ACCS: variants seen among roughly 807,000 people sequenced by gnomAD.
The protein encoded by ACCS is 1-aminocyclopropane-1-carboxylate synthase homolog (inactive), also known as 1-aminocyclopropane-1-carboxylate synthase-like protein 1.
Under a neutral mutation model 59.8 loss-of-function variants are expected in ACCS, and 42 were observed. The ratio of observed to expected loss-of-function variants is 0.70; its 90% CI spans 0.55 to 0.91. The LOEUF is 0.91. Among genes scored for constraint, ACCS ranks in the 40% least tolerant of loss-of-function variants. ACCS has a pLI of 0.00. For synonymous variants in ACCS, 230 were observed against 240.3 expected (o/e 0.96, Z 0.40); for missense variants, 602 against 630.4 (o/e 0.95, Z 0.48).
intron 2 of ACCS, among the ~76,000 whole-genome samples, chr11:44,069,165 T>A (rs983579429): frequency 6.6e-6 from 1 of 152,208 alleles, no homozygotes; most frequent in African/African-American, 2.4e-5. Context: ...AATTCACAAT[T>A]TTTGGAGTTC....
intron 9 of ACCS, 76 bp from the exon 10 acceptor site, chr11:44,079,455 G>GTATT (rs1953534420): frequency 8.7e-6 from 11 of 1,271,662 alleles, no homozygotes; most frequent in Middle Eastern, 2.6e-4. Context: ...GATTTCTGAT[G>GTATT]TATTACCTCC....
chr11:44,083,796 G>A lies in ACCS; in HGVS notation c.*4G>A. ...GCCAAGTGACCAACGCAGGTGAGCT[G>A]GTCATTGTCTCGTGGCCAGAGGGCC... On this transcript the variant is annotated 3_prime_UTR_variant, in exon 15 of 15. Coordinates refer to ENST00000263776, the MANE Select transcript of ACCS (RefSeq NM_032592.4). The A allele has an allele frequency of 6.2e-7, 1 of 1,603,190 alleles. No homozygotes were observed. The highest frequency in any genetic ancestry group is 8.5e-7 in the Non-Finnish European group (1 of 1,174,782).
At chr11:44,073,407 G>C (rs1191618304) in intron 3 of ACCS, 40 bp from the exon 4 acceptor site, 1 of 1,550,358 alleles carries the variant, frequency 6.5e-7, no homozygotes, top group African/African-American at 1.4e-5. Context: ...GCTGGTAGCA[G>C]TGCTGGCCCT....
chr11:44,067,962 G>T (rs1236668077), intron 2 of ACCS, 47 bp downstream of exon 2: 2 of 1,542,768 alleles, frequency 1.3e-6, no homozygotes, highest in Non-Finnish European at 1.7e-6. Context: ...GAACTGCAGG[G>T]TGGGGTACCC....
intron 3 of ACCS, 146 bp from the exon 4 acceptor site, chr11:44,073,301 A>G (rs1953149574): frequency 1.9e-5 from 14 of 729,462 alleles, no homozygotes; most frequent in Admixed American, 4.0e-5. Context: ...CCTCACCTGC[A>G]ACATGGGTAT....
chr11:44,080,694 A>C, intron 10 of ACCS: 2 of 408,288 alleles, frequency 4.9e-6, no homozygotes, highest in Admixed American at 3.9e-5. Context: ...TGTTTAGGGT[A>C]CCTGATTGGC....
At position 44,074,651 on chromosome 11, in the gene ACCS, C is replaced by T. The variant is rs1463761303; in HGVS notation, c.459C>T (p.Cys153=). ...EEVAKFLSFY[C]KSPVPLRPEN... is the part of the protein sequence containing the mutation. ...TGGCCAAGTTCCTGTCTTTCTACTG[C>T]AAGAGCCCAGTACCCCTCAGACCAG... is the stretch of plus-strand genomic sequence containing the variant. Residue 153 remains cysteine, a synonymous_variant, in exon 5 of 15, where the codon TGC becomes TGT. Transcript: ENST00000263776. The T allele has an allele frequency of 1.2e-6, 2 of 1,613,574 alleles. No individual in the cohort carries two copies. Among genetic ancestry groups the T allele is most frequent in the African/African-American group, 1.3e-5 (1 of 74,850 alleles).
chr11:44,068,119 C>A (rs150253358), intron 2 of ACCS, among the ~76,000 whole-genome samples: 46 of 152,140 alleles, frequency 3.0e-4, no homozygotes, highest in Non-Finnish European at 5.4e-4. Flanking sequence ...ATATAGGGGA[C>A]CTTGATTTCT....
rs370146853 is a variant in ACCS, at chr11:44,073,546, C to T, written c.419+29C>T. 6 of 1,581,706 alleles carry T rather than the reference C, an allele frequency of 3.8e-6. No individual in the cohort carries two copies. In the Admixed American group the frequency reaches 7.1e-5, roughly 19 times the overall value. On this transcript the variant is annotated intron_variant, in intron 4 of 14. Transcript: ENST00000263776. Reference sequence around the variant, plus strand: ...AGTAGTTGCCATAGGGTGAGTTTGTCCCCCTGGGGATGTGTGGCAATGTTG... The same window carrying T: ...AGTAGTTGCCATAGGGTGAGTTTGTTCCCCTGGGGATGTGTGGCAATGTTG...
At chr11:44,074,563 G>T in intron 4 of ACCS, 49 bp from the exon 5 acceptor site, 1 of 1,447,570 alleles carries the variant, frequency 6.9e-7, no homozygotes, top group Non-Finnish European at 9.7e-7. Context: ...AGGATGCACC[G>T]TGGGTTGGGG....
chr11:44,083,751 C>T lies in ACCS; in HGVS notation c.1465C>T (p.Arg489Cys), dbSNP rs114296178. ...CAAATCCCAAGTGGCAGAAGACCCC[C>T]GTCCCTCTCAGAGCCAGGAGCCAAG... ...AGKSQVAEDP[R>C]PSQSQEPSDQ... Residue 489 changes from arginine (R) to cysteine (C), a missense_variant, in exon 15 of 15, where the codon CGT becomes TGT. By Grantham distance (180) the Arg-to-Cys change is radical. Transcript: ENST00000263776. The T allele has an allele frequency of 9.2e-4, 1,483 of 1,613,928 alleles. 19 individuals are homozygous for T. In the African/African-American group the frequency reaches 0.017, roughly 19 times the overall value.
At chr11:44,077,145 A>G in intron 6 of ACCS, 134 bp from the exon 7 acceptor site, 1 of 958,514 alleles carries the variant, frequency 1.0e-6, no homozygotes, top group Non-Finnish European at 1.5e-6. Context: ...GTGTTTTGGG[A>G]GTTAAGAGTG....
rs1953751315 is a variant in ACCS at position 44,083,812 on chromosome 11, C to T, written c.*20C>T. 10 of 1,575,112 alleles carry T rather than the reference C, an allele frequency of 6.3e-6. No homozygotes were observed. In the South Asian group the frequency reaches 1.2e-4, roughly 18 times the overall value. ...AGGTGAGCTGGTCATTGTCTCGTGGCCAGAGGGCCCAGCAGCCACTGTGGA... is the reference window on the plus strand; with the variant it reads ...AGGTGAGCTGGTCATTGTCTCGTGGTCAGAGGGCCCAGCAGCCACTGTGGA... On this transcript the variant is annotated 3_prime_UTR_variant, in exon 15 of 15. Coordinates refer to ENST00000263776, the MANE Select transcript of ACCS (RefSeq NM_032592.4).
chr11:44,077,166 C>T (rs976169661), intron 6 of ACCS, 113 bp from the exon 7 acceptor site: 113 of 1,220,066 alleles, frequency 9.3e-5, no homozygotes, highest in Non-Finnish European at 1.2e-4. Context: ...CAAGTATGCC[C>T]CAAACGGTCC....
Position 44,077,902 on chromosome 11 carries a change from C to T in ACCS, c.712C>T (p.Leu238=), listed in dbSNP as rs1377767162. Residue 238 remains leucine, a synonymous_variant, in exon 8 of 15, where the codon CTG becomes TTG. Coordinates refer to ENST00000263776, the MANE Select transcript of ACCS (RefSeq NM_032592.4). Reference sequence around the variant, plus strand: ...CACAGTGGAGAAGCTGGAGATGGCCCTGAGAGAAGCTCACTCTGAGGTCTG... The same window carrying T: ...CACAGTGGAGAAGCTGGAGATGGCCTTGAGAGAAGCTCACTCTGAGGTCTG... ...QLTVEKLEMA[L]REAHSEGVKV... 6.2e-7 allele frequency: 1 copy of T among 1,614,032 alleles called. No individual in the cohort carries two copies. The highest frequency in any genetic ancestry group is 8.5e-7 in the Non-Finnish European group (1 of 1,179,972).
intron 10 of ACCS, 122 bp downstream of exon 10, chr11:44,079,742 T>G: frequency 7.9e-6 from 6 of 763,044 alleles, no homozygotes; most frequent in Non-Finnish European, 1.1e-5. Flanking sequence ...ACCCAGCTGG[T>G]CCCACTGGTC....
intron 7 of ACCS, 111 bp from the exon 8 acceptor site, chr11:44,077,734 C>T (rs1438645306): frequency 3.6e-5 from 54 of 1,489,846 alleles, no homozygotes; most frequent in Non-Finnish European, 4.7e-5. Flanking sequence ...TCCAGAGACT[C>T]TTCTGAGGAG....
At chr11:44,080,958 C>G in intron 10 of ACCS, 62 bp from the exon 11 acceptor site, 1 of 1,599,176 alleles carries the variant, frequency 6.3e-7, no homozygotes. Context: ...TTTGTTCAAC[C>G]AAACACATGT....
At chr11:44,070,919 G>T (rs1046043281) in intron 2 of ACCS, among the ~76,000 whole-genome samples, 5 of 152,192 alleles carry the variant, frequency 3.3e-5, no homozygotes, top group African/African-American at 9.7e-5. Context: ...GAGATACGGT[G>T]TGTACCTCAG....
Sources: allele counts gnomAD v4.1 joint callset (sites outside exome capture counted in the v4.1 genomes callset), GRCh38; gene constraint gnomAD v4.1.1; transcripts MANE v1.5; gene names NCBI Gene and HGNC (gene_info 2026-07-23, HGNC 2026-07-21).